The following STYX variants were observed in gnomAD, a reference collection of about 807,000 sequenced individuals.
STYX encodes serine/threonine/tyrosine interacting protein.
A neutral mutation model predicts 42.7 loss-of-function variants in STYX; 20 were observed. The ratio of observed to expected loss-of-function variants is 0.47; its 90% CI spans 0.33 to 0.68. The LOEUF (loss-of-function observed/expected upper bound fraction) is 0.68, where lower values mean the gene tolerates loss of function less well. Among genes scored for constraint, STYX ranks in the 30% least tolerant of loss-of-function variants. The probability of loss-of-function intolerance (pLI) is 0.02; values close to 1 mark genes in which losing one functional copy is unlikely to be tolerated. For synonymous variants in STYX, 78 were observed against 81.9 expected (o/e 0.95, Z 0.26); for missense variants, 226 against 268.5 (o/e 0.84, Z 1.11).
At position 52,772,582 on chromosome 14, in the gene STYX, G is replaced by A. The variant is rs960491177; in HGVS notation, c.*1476G>A. On this transcript the variant is annotated 3_prime_UTR_variant, in exon 11 of 11. Transcript: ENST00000354586. ...ACTTTTCTCAATCCTCTCTTGAGGT[G>A]CTTTACTAATGGGAATGATTTCTGT... 11 of 152,516 alleles carry A rather than the reference G, an allele frequency of 7.2e-5. No homozygotes were observed. The highest frequency in any genetic ancestry group is 1.0e-4 in the Non-Finnish European group (7 of 68,004). The allele number at this position is 152,516 out of a possible 1,614,324, so 9.4% of individuals were successfully genotyped here.
At chr14:52,736,128 T>C (rs533185971) in intron 1 of STYX, among the ~76,000 whole-genome samples, 1 of 152,254 alleles carries the variant, frequency 6.6e-6, no homozygotes, top group South Asian at 2.1e-4. Context: ...TTCAGAGCCT[T>C]TATGTTTGCT....
At chr14:52,761,127 G>A (rs1296058272) in intron 9 of STYX, among the ~76,000 whole-genome samples, 2 of 152,106 alleles carry the variant, frequency 1.3e-5, no homozygotes, top group East Asian at 1.9e-4. Flanking sequence ...TCAGGAGTTC[G>A]AGACCAGCCT....
chr14:52,734,989 G>GGAGCTTGCAGC (rs1007932661), intron 1 of STYX, among the ~76,000 whole-genome samples: 1 of 151,734 alleles, frequency 6.6e-6, no homozygotes. Context: ...CCCGGGAGGC[G>GGAGCTTGCAGC]GAGCTTGCAG....
In STYX at chr14:52,772,844, T is replaced by A. The variant is rs1033586706; in HGVS notation, c.*1738T>A. On this transcript the variant is annotated 3_prime_UTR_variant, in exon 11 of 11. Coordinates refer to ENST00000354586, the MANE Select transcript of STYX (RefSeq NM_145251.4). Reference sequence around the variant, plus strand: ...TTATCTTACCACTGTGAAAACAGCATATTGTTAATCTCGTTGTCGTCCAGT... The same window carrying A: ...TTATCTTACCACTGTGAAAACAGCAAATTGTTAATCTCGTTGTCGTCCAGT... 1.3e-5 allele frequency: 2 copies of A among 152,092 alleles called. No individual in the cohort carries two copies. Among genetic ancestry groups the A allele is most frequent in the African/African-American group, 4.8e-5 (2 of 41,412 alleles). The allele number at this position is 152,092 out of a possible 1,614,324, so 9.4% of individuals were successfully genotyped here.
intron 3 of STYX, among the ~76,000 whole-genome samples, chr14:52,749,945 G>T (rs759846358): frequency 5.9e-5 from 9 of 152,092 alleles, no homozygotes; most frequent in Non-Finnish European, 1.3e-4. Context: ...AGTATATATG[G>T]TGTGTGTGAA....
rs1382207213 is a variant in STYX at position 52,772,845 on chromosome 14, A to G, written c.*1739A>G. 1.3e-5 allele frequency: 2 copies of G among 151,918 alleles called. No homozygotes were observed. Among genetic ancestry groups the G allele is most frequent in the African/African-American group, 4.8e-5 (2 of 41,346 alleles). The allele number at this position is 151,918 out of a possible 1,614,324, so 9.4% of individuals were successfully genotyped here. A position where few individuals can be genotyped will look rare whatever the true frequency, so the allele number is the denominator to read the frequency against. On this transcript the variant is annotated 3_prime_UTR_variant, in exon 11 of 11. Coordinates refer to ENST00000354586, the MANE Select transcript of STYX (RefSeq NM_145251.4). ...TATCTTACCACTGTGAAAACAGCAT[A>G]TTGTTAATCTCGTTGTCGTCCAGTA...
intron 1 of STYX, among the ~76,000 whole-genome samples, chr14:52,733,493 C>T (rs190271515): frequency 4.6e-5 from 7 of 152,232 alleles, no homozygotes; most frequent in Admixed American, 1.3e-4. Flanking sequence ...GCAAGGCTGC[C>T]CCCAACCTCA....
intron 1 of STYX, among the ~76,000 whole-genome samples, chr14:52,736,572 C>T (rs1015768961): frequency 2.6e-5 from 4 of 152,162 alleles, no homozygotes; most frequent in African/African-American, 7.2e-5. Flanking sequence ...GTTTCCCTTT[C>T]CATTTTTCTT....
intron 9 of STYX, among the ~76,000 whole-genome samples, chr14:52,762,878 CTTTCTTTTTTTTTT>C (rs1240748904): frequency 2.3e-3 from 179 of 77,380 alleles, no homozygotes; most frequent in African/African-American, 8.0e-3. Context: ...TTCTTTCTTT[CTTTCTTTTTTTTTT>C]TTTTTTTTTT....
Position 52,756,615 on chromosome 14 carries a change from G to A in STYX, c.303+4G>A. 1 of 1,391,152 alleles carries A rather than the reference G, an allele frequency of 7.2e-7. No individual in the cohort carries two copies. The allele number at this position is 1,391,152 out of a possible 1,614,324, so 86.2% of individuals were successfully genotyped here. On this transcript the variant is annotated splice_donor_region_variant and intron_variant, in intron 5 of 10. Transcript: ENST00000354586. ...TATAATACGTTTTTTCCCTATGGTA[G>A]GTACCAGTATTTTTTAAATATCATT...
chr14:52,733,518 G>A (rs749453424), intron 1 of STYX, among the ~76,000 whole-genome samples: 13 of 152,172 alleles, frequency 8.5e-5, no homozygotes, highest in Admixed American at 4.6e-4. Flanking sequence ...GTAATCACAA[G>A]TAGTAGGTTG....
chr14:52,742,189 A>AC (rs1881220294), intron 1 of STYX, among the ~76,000 whole-genome samples: 1 of 152,106 alleles, frequency 6.6e-6, no homozygotes, highest in African/African-American at 2.4e-5. Flanking sequence ...ACCAATACCT[A>AC]CCCAGAGCCA....
intron 1 of STYX, among the ~76,000 whole-genome samples, chr14:52,733,665 C>A (rs1218738070): frequency 2.0e-5 from 3 of 152,098 alleles, no homozygotes; most frequent in Admixed American, 6.6e-5. Flanking sequence ...TACAAAAGAT[C>A]AGTGAACAGC....
chr14:52,752,413 C>T (rs1345535919), intron 4 of STYX, among the ~76,000 whole-genome samples: 15 of 151,996 alleles, frequency 9.9e-5, no homozygotes, highest in African/African-American at 3.6e-4. Flanking sequence ...TTCAGTGAGC[C>T]AAGATTGCCC....
chr14:52,767,086 G>GA (rs1387382198), intron 9 of STYX, among the ~76,000 whole-genome samples: 1 of 152,126 alleles, frequency 6.6e-6, no homozygotes, highest in Non-Finnish European at 1.5e-5. Flanking sequence ...AAGGTGGGAC[G>GA]AGAATTGTAT....
At chr14:52,755,125 T>G (rs1489589025) in intron 4 of STYX, among the ~76,000 whole-genome samples, 2 of 151,062 alleles carry the variant, frequency 1.3e-5, no homozygotes, top group Non-Finnish European at 3.0e-5. Context: ...TTTTTTGTTT[T>G]TTTTTTTTTG....
At chr14:52,764,966 G>A (rs934778155) in intron 9 of STYX, among the ~76,000 whole-genome samples, 1 of 152,080 alleles carries the variant, frequency 6.6e-6, no homozygotes, top group Non-Finnish European at 1.5e-5. Context: ...ACGGCGCCCA[G>A]CCCTTAATCC....
At chr14:52,761,997 A>G (rs1882113549) in intron 9 of STYX, among the ~76,000 whole-genome samples, 3 of 151,742 alleles carry the variant, frequency 2.0e-5, no homozygotes, top group Admixed American at 1.3e-4. Flanking sequence ...GTGAGCCGAG[A>G]TGGCATCATT....
At chr14:52,746,961 T>G (rs1192938934) in intron 3 of STYX, among the ~76,000 whole-genome samples, 1 of 152,208 alleles carries the variant, frequency 6.6e-6, no homozygotes, top group Non-Finnish European at 1.5e-5. Flanking sequence ...CTCTGAAATT[T>G]GAAACTTTTT....
Sources: allele counts gnomAD v4.1 joint callset (sites outside exome capture counted in the v4.1 genomes callset), GRCh38; gene constraint gnomAD v4.1.1; transcripts MANE v1.5; gene names NCBI Gene and HGNC (gene_info 2026-07-23, HGNC 2026-07-21).